The following ODAD1 variants were observed in gnomAD, a reference collection of about 807,000 sequenced individuals.
The protein encoded by ODAD1 is outer dynein arm-docking complex subunit 1.
In ODAD1, 49 loss-of-function variants were observed where a neutral mutation model predicts 67.2. That is an observed-to-expected ratio of 0.73 (90% CI 0.58 to 0.92). The LOEUF (loss-of-function observed/expected upper bound fraction) is 0.92. ODAD1 is among the 40% of genes least tolerant of loss of function. The pLI, the probability that ODAD1 is intolerant of heterozygous loss-of-function variation, is 0.00. For missense variants in ODAD1, 897 were observed against 953.7 expected, an observed-to-expected ratio of 0.94 and a Z score of 0.78; for synonymous variants, 345 against 393.7, an observed-to-expected ratio of 0.88 and a Z score of 1.46.
intron 5 of ODAD1, among the ~76,000 whole-genome samples, chr19:48,313,966 G>C (rs539606358): frequency 6.6e-5 from 10 of 152,328 alleles, no homozygotes; most frequent in African/African-American, 2.4e-4. Flanking sequence ...ACAGAGGTCA[G>C]GTGTGGTGGC....
Position 48,298,168 on chromosome 19 carries a change from GTC to G in ODAD1, c.1404+7_1404+8del, listed in dbSNP as rs1569001435. ...CGGCCTCCTGTCCCGGCTCCCTGCC[GTC>G]TCCCACCTGGGCATGTAGGAAGGCC... On this transcript the variant is annotated splice_region_variant and intron_variant, in intron 13 of 15. Transcript: ENST00000674294. 6.2e-7 allele frequency: 1 copy of G among 1,612,142 alleles called. No homozygotes were observed.
chr19:48,303,887 G>A (rs1327296471), intron 9 of ODAD1, 66 bp downstream of exon 9: 24 of 1,584,596 alleles, frequency 1.5e-5, no homozygotes, highest in Admixed American at 6.9e-5. Flanking sequence ...GGGCACGAAG[G>A]TGTGCTGCAG....
intron 12 of ODAD1, among the ~76,000 whole-genome samples, chr19:48,300,010 T>TAA (rs565387758): frequency 7.4e-6 from 1 of 135,884 alleles, no homozygotes; most frequent in Admixed American, 7.4e-5. Flanking sequence ...ATCCTATCTC[T>TAA]AAAAAAAAAA....
At chr19:48,302,648 C>T (rs778911352) in intron 12 of ODAD1, 46 bp downstream of exon 12, 9 of 1,546,688 alleles carry the variant, frequency 5.8e-6, no homozygotes, top group South Asian at 3.4e-5. Flanking sequence ...GGTGTCCTTC[C>T]AAGTGGAGAA....
At chr19:48,321,554 G>T (rs1321796735) in intron 1 of ODAD1, 124 bp downstream of exon 1, 3 of 340,250 alleles carry the variant, frequency 8.8e-6, no homozygotes, top group Non-Finnish European at 1.6e-5. Context: ...CGTTTGGAAG[G>T]CCTTACGAGG....
intron 5 of ODAD1, among the ~76,000 whole-genome samples, chr19:48,312,412 G>GTTT (rs528076931): frequency 3.9e-5 from 3 of 76,964 alleles, no homozygotes; most frequent in Admixed American, 3.6e-4. Context: ...TTTTTTTTTT[G>GTTT]TTTTTTTTTT....
chr19:48,301,750 TG>T (rs1968468291), intron 12 of ODAD1, among the ~76,000 whole-genome samples: 1 of 146,986 alleles, frequency 6.8e-6, no homozygotes, highest in Non-Finnish European at 1.5e-5. Context: ...TGGATGGACA[TG>T]GGACAGTTGG....
rs550620006 is a variant in ODAD1, at chr19:48,297,256, T to C, written c.1844A>G (p.His615Arg). The change falls in exon 16 of 16, where the codon CAC becomes CGC. Residue 615 changes from histidine (H) to arginine (R), a missense_variant. Physicochemically the swap from His to Arg is conservative, Grantham distance 29 (BLOSUM62 0). Coordinates refer to ENST00000674294, the MANE Select transcript of ODAD1 (RefSeq NM_001364171.2). ...CACGTGGCCAGTGTTGGGGTCACCG[T>C]GCGTGATGTGGCTGGGCAAATGCCC... ...STGHLPSHIT[H>R]GDPNTGHVTF... 5 of 1,614,080 alleles carry C rather than the reference T, an allele frequency of 3.1e-6. No homozygotes were observed. The Admixed American group carries it at 8.3e-5, about 27-fold the overall frequency.
At chr19:48,308,470 C>T (rs1283322015) in intron 7 of ODAD1, among the ~76,000 whole-genome samples, 2 of 152,098 alleles carry the variant, frequency 1.3e-5, no homozygotes, top group African/African-American at 4.8e-5. Flanking sequence ...GCCACCACAC[C>T]CAGCCGAGAA....
At chr19:48,307,079 G>T (rs1235612441) in intron 7 of ODAD1, among the ~76,000 whole-genome samples, 1 of 152,088 alleles carries the variant, frequency 6.6e-6, no homozygotes, top group Non-Finnish European at 1.5e-5. Context: ...AGCTACTTGG[G>T]ACAATGAGGC....
intron 7 of ODAD1, 85 bp downstream of exon 7, chr19:48,311,468 G>A: frequency 1.3e-6 from 1 of 773,696 alleles, no homozygotes; most frequent in Middle Eastern, 3.5e-4. Flanking sequence ...TGAGGCCTGA[G>A]TGCTAGAGCA....
intron 7 of ODAD1, among the ~76,000 whole-genome samples, chr19:48,308,214 G>A (rs2147323663): frequency 6.7e-6 from 1 of 149,140 alleles, no homozygotes; most frequent in South Asian, 2.1e-4. Context: ...CACTCTTGTT[G>A]CCCAGGCTGG....
At position 48,302,996 on chromosome 19, in the gene ODAD1, G is replaced by A. The variant is rs1600860604; in HGVS notation, c.1071+17C>T. 1.9e-6 allele frequency: 3 copies of A among 1,610,804 alleles called. No homozygotes were observed. The highest frequency in any genetic ancestry group is 1.3e-5 in the African/African-American group (1 of 74,984). On this transcript the variant is annotated intron_variant, in intron 11 of 15. Transcript: ENST00000674294. ...CCGGGAGGAGAGGAGGAGATGGAGA[G>A]GGCAGGCCTCACTCACCTCCTTGAT...
chr19:48,309,901 C>T (rs1968712231), intron 7 of ODAD1, among the ~76,000 whole-genome samples: 1 of 152,142 alleles, frequency 6.6e-6, no homozygotes. Flanking sequence ...CTGTGACATT[C>T]CCCCCAAAGT....
chr19:48,303,863 T>C, intron 9 of ODAD1, 79 bp from the exon 10 acceptor site: 1 of 1,575,596 alleles, frequency 6.3e-7, no homozygotes, highest in Non-Finnish European at 8.6e-7. Flanking sequence ...GGGAGCGAAG[T>C]GTGGTCCCAC....
intron 5 of ODAD1, 98 bp downstream of exon 5, chr19:48,318,289 G>T: frequency 9.3e-7 from 1 of 1,070,094 alleles, no homozygotes; most frequent in Non-Finnish European, 1.4e-6. Context: ...ACTGTGCCCG[G>T]CCTAATAGCC....
intron 14 of ODAD1, 58 bp from the exon 15 acceptor site, chr19:48,297,726 G>A (rs1335085857): frequency 6.0e-6 from 8 of 1,329,802 alleles, no homozygotes; most frequent in Middle Eastern, 1.9e-4. Flanking sequence ...AAAGGCCAGC[G>A]GCCCTTCCTG....
chr19:48,300,869 G>C (rs972970098), intron 12 of ODAD1: 2 of 152,274 alleles, frequency 1.3e-5, no homozygotes, highest in African/African-American at 4.8e-5. Context: ...GCTCACGCCT[G>C]TAATCCCAGC....
At chr19:48,299,503 T>C (rs921202025) in intron 12 of ODAD1, among the ~76,000 whole-genome samples, 1 of 151,958 alleles carries the variant, frequency 6.6e-6, no homozygotes, top group Admixed American at 6.6e-5. Context: ...GGCTACTTCC[T>C]GAAAAATAAG....
Sources: gnomAD v4.1 joint callset for allele counts (sites outside exome capture counted in the v4.1 genomes callset) on GRCh38, gnomAD v4.1.1 for gene constraint, MANE v1.5 for transcripts, NCBI Gene and HGNC (gene_info 2026-07-23, HGNC 2026-07-21) for gene names.